ETNK2: variants seen among roughly 807,000 people sequenced by gnomAD.
ETNK2 encodes ethanolamine kinase-like protein.
A neutral mutation model predicts 46.2 loss-of-function variants in ETNK2; 33 were observed. The observed-to-expected ratio is 0.71, with a 90% CI of 0.54 to 0.96. The LOEUF (loss-of-function observed/expected upper bound fraction) is 0.96, where lower values mean the gene tolerates loss of function less well. Ranked by LOEUF, ETNK2 falls within the 40% of genes least tolerant of loss-of-function variation. The pLI is 0.00. For synonymous variants in ETNK2, 194 were observed against 209.0 expected (o/e 0.93, Z 0.62); for missense variants, 445 against 509.7 (o/e 0.87, Z 1.22).
intron 6 of ETNK2, 187 bp from the exon 7 acceptor site, chr1:204,134,775 T>G: frequency 2.3e-6 from 3 of 1,325,356 alleles, no homozygotes; most frequent in South Asian, 1.4e-5. Context: ...ATTTGGCGCC[T>G]CCACTCCTGC....
intron 6 of ETNK2, among the ~76,000 whole-genome samples, chr1:204,135,043 G>A (rs978944651): frequency 6.6e-6 from 1 of 152,090 alleles, no homozygotes; most frequent in Non-Finnish European, 1.5e-5. Flanking sequence ...GAAGGTGCAG[G>A]GAAGGAAGAG....
In ETNK2 at chr1:204,134,017, G is replaced by A. The variant is rs143297946; in HGVS notation, c.1088+498C>T. 2.9e-3 allele frequency among the ~76,000 whole-genome samples: 449 copies of A among 152,274 alleles called. 1 individual carries two copies. The highest frequency in any genetic ancestry group is 9.9e-3 in the African/African-American group (411 of 41,554). On this transcript the variant is annotated intron_variant, in intron 7 of 7. Transcript: ENST00000367202. ...CAGGACAGGGACTCCCTGAATCATC[G>A]ATACACAAGCAGCGGCTAGCTACTG... is the stretch of plus-strand genomic sequence containing the variant.
At chr1:204,148,381 C>G (rs145311632) in intron 2 of ETNK2, among the ~76,000 whole-genome samples, 170 of 152,184 alleles carry the variant, frequency 1.1e-3, no homozygotes, top group African/African-American at 3.5e-3. Flanking sequence ...TGGTGACGAC[C>G]TGACAATATC....
At position 204,146,669 on chromosome 1, in the gene ETNK2, G is replaced by A. The variant is rs759671962; in HGVS notation, c.614C>T (p.Thr205Met). Residue 205 changes from threonine to methionine, a missense_variant, in exon 3 of 8, where the codon ACG becomes ATG. By Grantham distance (81) the Thr-to-Met change is moderately conservative. Coordinates refer to ENST00000367202, the MANE Select transcript of ETNK2 (RefSeq NM_018208.4). ...GGGGTTGATCTCGTTCTTCACAAGC[G>A]TGAAATAATTGTGCATCTTGTGCCA... ...ILWHKMHNYF[T>M]LVKNEINPSL... is the part of the protein sequence containing the mutation. 13 of 1,613,824 alleles carry A rather than the reference G, an allele frequency of 8.1e-6. No individual in the cohort carries two copies. Among genetic ancestry groups the A allele is most frequent in the East Asian group, 2.2e-5 (1 of 44,894 alleles).
chr1:204,143,650 G>T (rs566017544), intron 3 of ETNK2, among the ~76,000 whole-genome samples: 1 of 152,230 alleles, frequency 6.6e-6, no homozygotes, highest in Non-Finnish European at 1.5e-5. Flanking sequence ...GGAGGTCTCT[G>T]CAGGGAAGCC....
chr1:204,138,540 C>G (rs916633451), intron 5 of ETNK2: 1 of 152,342 alleles, frequency 6.6e-6, no homozygotes, highest in African/African-American at 2.4e-5. Flanking sequence ...CTCAGCTGCT[C>G]TGCCCAGCAG....
rs761470297 is a variant in ETNK2, at chr1:204,137,215, C to T, written c.903G>A (p.Ala301=). Residue 301 remains alanine (A), a synonymous_variant, in exon 6 of 8, where the codon GCG becomes GCA. Coordinates refer to ENST00000367202, the MANE Select transcript of ETNK2 (RefSeq NM_018208.4). ...VNEVDYCLYP[A]RETQLQWLHY... ...GCAGCCACTGCAGCTGGGTCTCCCG[C>T]GCCGGGTACAGGCAGTAATCCACCT... 3.5e-5 allele frequency: 56 copies of T among 1,613,802 alleles called. No individual in the cohort carries two copies. The highest frequency in any genetic ancestry group is 6.6e-5 in the South Asian group (6 of 91,080).
intron 3 of ETNK2, among the ~76,000 whole-genome samples, chr1:204,144,000 G>T (rs1657670377): frequency 6.6e-6 from 1 of 152,064 alleles, no homozygotes; most frequent in Non-Finnish European, 1.5e-5. Flanking sequence ...GTTGCCGTAG[G>T]GCAATGTTCC....
Position 204,149,982 on chromosome 1 carries a change from G to A in ETNK2, c.259-20C>T. The A allele has an allele frequency of 1.3e-6, 2 of 1,484,796 alleles. No individual in the cohort carries two copies. Among genetic ancestry groups the A allele is most frequent in the South Asian group, 2.7e-5 (2 of 74,174 alleles). The allele number at this position is 1,484,796 out of a possible 1,614,324, so 92.0% of individuals were successfully genotyped here. On this transcript the variant is annotated intron_variant, in intron 1 of 7. Coordinates refer to ENST00000367202, the MANE Select transcript of ETNK2 (RefSeq NM_018208.4). ...GAAGCGCTAGCATGGGGAGAGGACA[G>A]TGCGTGGGTGGGTGGGTGGGGCAGG...
chr1:204,147,925 G>A (rs1271458548), intron 2 of ETNK2, among the ~76,000 whole-genome samples: 1 of 152,230 alleles, frequency 6.6e-6, no homozygotes, highest in Non-Finnish European at 1.5e-5. Flanking sequence ...TTTGGGCAAG[G>A]CAGGGAAACA....
At chr1:204,143,896 G>A (rs1212601009) in intron 3 of ETNK2, among the ~76,000 whole-genome samples, 1 of 152,110 alleles carries the variant, frequency 6.6e-6, no homozygotes, top group Non-Finnish European at 1.5e-5. Context: ...TCAGCTTAGG[G>A]CTTAGGCAGC....
chr1:204,151,152 G>A lies in ETNK2; in HGVS notation c.258+443C>T. 1 of 223,566 alleles carries A rather than the reference G, an allele frequency of 4.5e-6. No homozygotes were observed. Among genetic ancestry groups the A allele is most frequent in the Non-Finnish European group, 8.6e-6 (1 of 116,554 alleles). The allele number at this position is 223,566 out of a possible 1,614,324, so 13.8% of individuals were successfully genotyped here. On this transcript the variant is annotated intron_variant, in intron 1 of 7. Coordinates refer to ENST00000367202, the MANE Select transcript of ETNK2 (RefSeq NM_018208.4). The surrounding 1 kb of genome is among the most constrained non-coding windows in gnomAD (Gnocchi z 8.0). ...CACAGGGGCAGCTCAGAGCCTGGAG[G>A]ATTTGCTCCCACCATGGGGTGGAGA...
At chr1:204,143,831 G>A (rs143788630) in intron 3 of ETNK2, among the ~76,000 whole-genome samples, 4 of 152,082 alleles carry the variant, frequency 2.6e-5, no homozygotes, top group African/African-American at 9.6e-5. Flanking sequence ...TCCTTGTGAT[G>A]GCCCAACCCA....
chr1:204,132,655 A>T (rs566719601), intron 7 of ETNK2, among the ~76,000 whole-genome samples: 6 of 150,984 alleles, frequency 4.0e-5, no homozygotes, highest in Admixed American at 4.0e-4. Context: ...CTAATCTTGA[A>T]CTCCTGAGCT....
In ETNK2 at chr1:204,151,970, C is replaced by G; in HGVS notation, c.-118G>C. 1 of 1,076,186 alleles carries G rather than the reference C, an allele frequency of 9.3e-7. No individual in the cohort carries two copies. Among genetic ancestry groups the G allele is most frequent in the Non-Finnish European group, 1.2e-6 (1 of 838,844 alleles). The allele number at this position is 1,076,186 out of a possible 1,614,324, so 66.7% of individuals were successfully genotyped here. A position where few individuals can be genotyped will look rare whatever the true frequency, so the allele number is the denominator to read the frequency against. On this transcript the variant is annotated 5_prime_UTR_variant, in exon 1 of 8. Transcript: ENST00000367202. This position sits in a 1 kb window ranked among gnomAD's most constrained non-coding sequence, Gnocchi z 8.0. ...GGGAAGTCCATGACTCAGGCGCGAG[C>G]TGCCCGCTTCGATCGCCGGCTCGCG...
chr1:204,132,107 G>C lies in ETNK2; in HGVS notation c.*77C>G. ...CTCTCCCACCCTGTCCAAGGGTGTG[G>C]ATCCCAGAGTGCAGAATTGAGCTCT... On this transcript the variant is annotated 3_prime_UTR_variant, in exon 8 of 8. Transcript: ENST00000367202. 8.5e-7 allele frequency: 1 copy of C among 1,178,492 alleles called. No individual in the cohort carries two copies. Among genetic ancestry groups the C allele is most frequent in the Admixed American group, 2.0e-5 (1 of 50,552 alleles). The allele number at this position is 1,178,492 out of a possible 1,614,324, so 73.0% of individuals were successfully genotyped here.
intron 5 of ETNK2, chr1:204,138,709 G>C (rs2102286058): frequency 6.6e-6 from 1 of 152,342 alleles, no homozygotes; most frequent in Admixed American, 6.5e-5. Context: ...CTGAGCCACA[G>C]GGCCTGGCCC....
rs1658000397 is a variant in ETNK2 at position 204,151,421 on chromosome 1, C to T, written c.258+174G>A. 1.0e-6 allele frequency: 1 copy of T among 966,082 alleles called. No individual in the cohort carries two copies. The highest frequency in any genetic ancestry group is 1.5e-6 in the Non-Finnish European group (1 of 669,288). The allele number at this position is 966,082 out of a possible 1,614,324, so 59.8% of individuals were successfully genotyped here. On this transcript the variant is annotated intron_variant, in intron 1 of 7. Transcript: ENST00000367202. This position sits in a 1 kb window ranked among gnomAD's most constrained non-coding sequence, Gnocchi z 8.0. The stretch of plus-strand genomic sequence containing the variant: ...GTGCAGGGCCAAGGGAGGTGTGAGC[C>T]TAGTTTTGGTAGCGACGAAATCAAT...
rs755542077 is a variant in ETNK2, at chr1:204,151,715, C to T, written c.138G>A (p.Pro46=). 2 of 1,542,512 alleles carry T rather than the reference C, an allele frequency of 1.3e-6. No homozygotes were observed. The highest frequency in any genetic ancestry group is 1.2e-5 in the South Asian group (1 of 83,480). Residue 46 remains proline, a synonymous_variant, in exon 1 of 8, where the codon CCG becomes CCA. Transcript: ENST00000367202. The surrounding 1 kb of genome is among the most constrained non-coding windows in gnomAD (Gnocchi z 8.0). ...CGAAGTACGCGACGGCGGCGGCCCT[C>T]GGGGGGCCCGGCGGCTCCCGGCAGC... ...SASCREPPGP[P]RAAAVAYFGI... is the part of the protein sequence containing the mutation.
Sources: gnomAD v4.1 joint callset for allele counts (sites outside exome capture counted in the v4.1 genomes callset) on GRCh38, gnomAD v4.1.1 for gene constraint, Gnocchi (gnomAD v3.1) non-coding constraint, MANE v1.5 for transcripts, NCBI Gene and HGNC (gene_info 2026-07-23, HGNC 2026-07-21) for gene names.